SLC9D1: variants seen among roughly 807,000 people sequenced by gnomAD.
SLC9D1 encodes putative LAG1-interacting protein.
At chr13:113,527,661 G>A in the SLC9D1 span, 1 of 152,264 alleles carries the variant, frequency 6.6e-6, no homozygotes, top group Admixed American at 6.5e-5. Flanking sequence ...GATTTCTCTG[G>A]GTTTGTTCTA....
chr13:113,526,079 G>A, the SLC9D1 span, among the ~76,000 whole-genome samples: 1 of 152,260 alleles, frequency 6.6e-6, no homozygotes, highest in South Asian at 2.1e-4. Context: ...CGTAGGAGAC[G>A]ACAGCTCTGT....
the SLC9D1 span, among the ~76,000 whole-genome samples, chr13:113,545,299 T>A: frequency 7.6e-6 from 1 of 131,478 alleles, no homozygotes; most frequent in African/African-American, 3.2e-5. Flanking sequence ...AACATCGAGC[T>A]GGGTCCACAG....
chr13:113,540,842 G>A, the SLC9D1 span, among the ~76,000 whole-genome samples: 1,146 of 152,262 alleles, frequency 7.5e-3, 11 homozygotes, highest in African/African-American at 0.026. Flanking sequence ...ATTTTACAGG[G>A]TTCGGCTTTA....
At chr13:113,513,178 G>C in the SLC9D1 span, among the ~76,000 whole-genome samples, 477 of 152,296 alleles carry the variant, frequency 3.1e-3, 6 homozygotes, top group African/African-American at 0.011. Flanking sequence ...CGTCTCCTCG[G>C]CAACGTCAGA....
the SLC9D1 span, among the ~76,000 whole-genome samples, chr13:113,536,346 A>C: frequency 6.6e-6 from 1 of 151,908 alleles, no homozygotes; most frequent in East Asian, 1.9e-4. Flanking sequence ...GCCTCAAAAA[A>C]AAAAAAGTTT....
At chr13:113,545,126 C>T in the SLC9D1 span, among the ~76,000 whole-genome samples, 3 of 152,230 alleles carry the variant, frequency 2.0e-5, no homozygotes, top group Non-Finnish European at 2.9e-5. Context: ...TGCAGGTGTG[C>T]GCCCCCGCCA....
chr13:113,542,803 A>G, the SLC9D1 span, among the ~76,000 whole-genome samples: 1 of 152,118 alleles, frequency 6.6e-6, no homozygotes, highest in Non-Finnish European at 1.5e-5. Flanking sequence ...CCAAACGGAA[A>G]ATTCAAAAGC....
At chr13:113,503,536 T>A in the SLC9D1 span, 3 of 1,613,938 alleles carry the variant, frequency 1.9e-6, no homozygotes, top group Non-Finnish European at 2.5e-6. Context: ...TTTGGGGTGT[T>A]TTTTACTCTT....
the SLC9D1 span, among the ~76,000 whole-genome samples, chr13:113,510,020 G>A: frequency 6.6e-6 from 1 of 152,216 alleles, no homozygotes; most frequent in Admixed American, 6.5e-5. Context: ...GGGAGAGAGT[G>A]CGTGTGCGTG....
chr13:113,530,725 C>T, the SLC9D1 span: 2 of 152,240 alleles, frequency 1.3e-5, no homozygotes, highest in African/African-American at 4.8e-5. Context: ...AAGAACAGAA[C>T]ACAGAAGGCT....
the SLC9D1 span, among the ~76,000 whole-genome samples, chr13:113,548,984 C>T: frequency 4.6e-5 from 7 of 152,126 alleles, no homozygotes; most frequent in African/African-American, 1.4e-4. Flanking sequence ...GACCCAAGGC[C>T]GCATCCCCAG....
At chr13:113,535,181 C>A in the SLC9D1 span, 4 of 152,352 alleles carry the variant, frequency 2.6e-5, no homozygotes, top group East Asian at 7.7e-4. This position sits in a 1 kb window ranked among gnomAD's most constrained non-coding sequence, Gnocchi z 4.1. Context: ...ACCTGAAATA[C>A]AAAATTAAGT....
chr13:113,507,475 G>A, the SLC9D1 span, among the ~76,000 whole-genome samples: 8 of 152,290 alleles, frequency 5.3e-5, no homozygotes, highest in Admixed American at 5.2e-4. Flanking sequence ...ATTTCCTTGG[G>A]TTTTTGAAAT....
the SLC9D1 span, chr13:113,503,634 C>A: frequency 7.5e-7 from 1 of 1,332,872 alleles, no homozygotes; most frequent in Non-Finnish European, 1.1e-6. Context: ...AGCTTCACAT[C>A]ATGTGGTTTT....
At chr13:113,504,975 C>G in the SLC9D1 span, 2 of 152,122 alleles carry the variant, frequency 1.3e-5, no homozygotes, top group East Asian at 3.8e-4. Context: ...AACATCTATT[C>G]TTTTCATTTT....
At chr13:113,516,847 G>A in the SLC9D1 span, among the ~76,000 whole-genome samples, 124 of 152,328 alleles carry the variant, frequency 8.1e-4, no homozygotes, top group African/African-American at 2.7e-3. Context: ...CAGGCACCTG[G>A]AGGTCAGAAT....
the SLC9D1 span, among the ~76,000 whole-genome samples, chr13:113,519,341 C>G: frequency 1.4e-5 from 2 of 148,032 alleles, no homozygotes; most frequent in African/African-American, 5.2e-5. Context: ...CCACCGCGCC[C>G]AGCCGCTTTT....
At chr13:113,493,970 A>T in the SLC9D1 span, among the ~76,000 whole-genome samples, 1 of 152,230 alleles carries the variant, frequency 6.6e-6, no homozygotes, top group African/African-American at 2.4e-5. Flanking sequence ...GCCTCCAGAA[A>T]TGCTGCCCTT....
the SLC9D1 span, among the ~76,000 whole-genome samples, chr13:113,515,043 A>G: frequency 6.6e-6 from 1 of 152,210 alleles, no homozygotes; most frequent in Non-Finnish European, 1.5e-5. Flanking sequence ...AACCTGATCT[A>G]CCATTGGCAA....
Sources: gnomAD v4.1 joint callset for allele counts (sites outside exome capture counted in the v4.1 genomes callset) on GRCh38, gnomAD v4.1.1 for gene constraint, Gnocchi (gnomAD v3.1) non-coding constraint, MANE v1.5 for transcripts, NCBI Gene and HGNC (gene_info 2026-07-23, HGNC 2026-07-21) for gene names.